Variants in PBK observed in about 807,000 individuals in gnomAD.
PBK encodes the protein PDZ binding kinase.
PBK carries 22 observed loss-of-function variants against 33.5 expected under a neutral mutation model. That is an observed-to-expected ratio of 0.66 (90% CI 0.47 to 0.94). The LOEUF (loss-of-function observed/expected upper bound fraction) is 0.94, where lower values mean the gene tolerates loss of function less well. Ranked by LOEUF, PBK falls within the 40% of genes least tolerant of loss-of-function variation. The probability of loss-of-function intolerance (pLI) is 0.00; values close to 1 mark genes in which losing one functional copy is unlikely to be tolerated. For synonymous variants in PBK, 129 were observed against 123.8 expected, an observed-to-expected ratio of 1.04 and a Z score of -0.28; for missense variants, 376 against 383.4, an observed-to-expected ratio of 0.98 and a Z score of 0.16.
chr8:27,810,915 G>C (rs770428850), intron 7 of PBK, 43 bp downstream of exon 7: 6 of 1,216,464 alleles, frequency 4.9e-6, no homozygotes, highest in Non-Finnish European at 6.1e-6. Context: ...TCTTTAGTGT[G>C]AAATGAAGAG....
At chr8:27,827,969 G>A (rs553017740) in intron 3 of PBK, 136 bp downstream of exon 3, 22 of 504,884 alleles carry the variant, frequency 4.4e-5, no homozygotes, top group South Asian at 2.0e-4. Flanking sequence ...TCTAGGGACC[G>A]GAATACAGCC....
chr8:27,830,187 A>C (rs1204306281), intron 2 of PBK, among the ~76,000 whole-genome samples: 4 of 139,670 alleles, frequency 2.9e-5, no homozygotes, highest in Non-Finnish European at 6.1e-5. Context: ...TGGGTGACAG[A>C]GCAAGATTCT....
chr8:27,829,892 C>G (rs1364333367), intron 2 of PBK, among the ~76,000 whole-genome samples: 1 of 149,940 alleles, frequency 6.7e-6, no homozygotes, highest in Non-Finnish European at 1.5e-5. Flanking sequence ...ATCAATCAAT[C>G]AATAGAAACA....
At chr8:27,833,020 A>G (rs1806157570) in intron 2 of PBK, 36 bp downstream of exon 2, 2 of 1,236,066 alleles carry the variant, frequency 1.6e-6, no homozygotes, top group African/African-American at 1.5e-5. Context: ...AGAAACAACA[A>G]TAGTAAAAAA....
At chr8:27,821,232 C>T (rs75942430) in intron 5 of PBK, among the ~76,000 whole-genome samples, 1 of 152,066 alleles carries the variant, frequency 6.6e-6, no homozygotes, top group Non-Finnish European at 1.5e-5. Context: ...CTTCTGCTAA[C>T]CTTTTATACT....
chr8:27,813,660 T>C lies in PBK; in HGVS notation c.596-2526A>G, dbSNP rs552419075. On this transcript the variant is annotated intron_variant, in intron 6 of 7. Transcript: ENST00000301905. ...GTGTGAGAATACTCAAGATCTACTC[T>C]CAGCAAATCTCAAGTGTACAGTATT... 1.3e-4 allele frequency among the ~76,000 whole-genome samples: 20 copies of C among 150,962 alleles called. No homozygotes were observed. The East Asian group carries it at 4.0e-3, about 30-fold the overall frequency.
At position 27,810,567 on chromosome 8, in the gene PBK, T is replaced by C; in HGVS notation, c.773-66A>G. On this transcript the variant is annotated intron_variant, in intron 7 of 7. Coordinates refer to ENST00000301905, the MANE Select transcript of PBK (RefSeq NM_018492.4). ...TTATGTCATGGAAAAGTTTAATAGC[T>C]CACCCTTCTCCTGAAACAAGAATTT... The C allele has an allele frequency of 3.4e-6, 3 of 879,472 alleles. No homozygotes were observed. The East Asian group carries it at 7.4e-5, about 22-fold the overall frequency. The allele number at this position is 879,472 out of a possible 1,614,324, so 54.5% of individuals were successfully genotyped here.
chr8:27,819,736 C>T (rs115391110), intron 6 of PBK, among the ~76,000 whole-genome samples: 2,923 of 152,164 alleles, frequency 0.019, 103 homozygotes, highest in African/African-American at 0.066. Context: ...GAGAAAAATA[C>T]TTTAAAAACC....
rs1346446313 is a variant in PBK at position 27,822,450 on chromosome 8, A to C, written c.334T>G (p.Cys112Gly). 6.2e-7 allele frequency: 1 copy of C among 1,611,272 alleles called. No homozygotes were observed. Among genetic ancestry groups the C allele is most frequent in the Admixed American group, 1.7e-5 (1 of 59,656 alleles). Residue 112 changes from cysteine to glycine, a missense_variant, in exon 5 of 8, where the codon TGT becomes GGT. Physicochemically the swap from Cys to Gly is radical, Grantham distance 159. Coordinates refer to ENST00000301905, the MANE Select transcript of PBK (RefSeq NM_018492.4). ...TCACCTCCATATTCCATAGCAAGAC[A>C]CAGACTGCCATCATTGGCTTCAGTA... ...AFTEANDGSL[C>G]LAMEYGGEKS...
At chr8:27,815,100 G>T (rs1178751805) in intron 6 of PBK, among the ~76,000 whole-genome samples, 1 of 152,108 alleles carries the variant, frequency 6.6e-6, no homozygotes, top group Non-Finnish European at 1.5e-5. Flanking sequence ...TTTACTGAAA[G>T]AAATTTCTCC....
Position 27,822,219 on chromosome 8 carries a change from A to G in PBK, c.465+100T>C. 4.6e-6 allele frequency: 4 copies of G among 870,414 alleles called. No individual in the cohort carries two copies. In the South Asian group the frequency reaches 6.6e-5, roughly 14 times the overall value. The allele number at this position is 870,414 out of a possible 1,614,324, so 53.9% of individuals were successfully genotyped here. A position where few individuals can be genotyped will look rare whatever the true frequency, so the allele number is the denominator to read the frequency against. On this transcript the variant is annotated intron_variant, in intron 5 of 7. Transcript: ENST00000301905. ...CCCCTTTTTGGAACTGACAAGTAAC[A>G]ATATCCATCCACATTCAAAGATGTC... is the stretch of plus-strand genomic sequence containing the variant.
rs1370069939 is a variant in PBK, at chr8:27,837,793, T to A, written c.-162A>T. On this transcript the variant is annotated 5_prime_UTR_variant, in exon 1 of 8. Coordinates refer to ENST00000301905, the MANE Select transcript of PBK (RefSeq NM_018492.4). ...AACACATACGCCCGGCAGCTGCCGT[T>A]GCAATTCGAACCCTCCTGGCTTTCA... is the stretch of plus-strand genomic sequence containing the variant. 1 of 152,162 alleles carries A rather than the reference T, an allele frequency of 6.6e-6. No homozygotes were observed. The highest frequency in any genetic ancestry group is 1.9e-4 in the East Asian group (1 of 5,180). The allele number at this position is 152,162 out of a possible 1,614,324, so 9.4% of individuals were successfully genotyped here. A position where few individuals can be genotyped will look rare whatever the true frequency, so the allele number is the denominator to read the frequency against.
At chr8:27,823,924 C>T (rs1256236274) in intron 3 of PBK, among the ~76,000 whole-genome samples, 1 of 151,972 alleles carries the variant, frequency 6.6e-6, no homozygotes, top group Non-Finnish European at 1.5e-5. Context: ...GTATATGCAG[C>T]ATAACAGCAC....
Position 27,822,304 on chromosome 8 carries a change from T to C in PBK, c.465+15A>G, listed in dbSNP as rs1365214090. 1 of 1,533,322 alleles carries C rather than the reference T, an allele frequency of 6.5e-7. No individual in the cohort carries two copies. Among genetic ancestry groups the C allele is most frequent in the East Asian group, 2.3e-5 (1 of 44,222 alleles). The allele number at this position is 1,533,322 out of a possible 1,614,324, so 95.0% of individuals were successfully genotyped here. On this transcript the variant is annotated intron_variant, in intron 5 of 7. Coordinates refer to ENST00000301905, the MANE Select transcript of PBK (RefSeq NM_018492.4). ...ACAAAAACAGAAGTCATTTAAAATA[T>C]AATGACATAGTTACCTTTAACCCTC...
At position 27,811,016 on chromosome 8, in the gene PBK, C is replaced by G. The variant is rs774498834; in HGVS notation, c.714G>C (p.Trp238Cys). The G allele has an allele frequency of 6.8e-6, 11 of 1,612,778 alleles. No individual in the cohort carries two copies. Among genetic ancestry groups the G allele is most frequent in the Middle Eastern group, 1.6e-4 (1 of 6,080 alleles). Residue 238 changes from tryptophan to cysteine, a missense_variant, in exon 7 of 8, where the codon TGG (tryptophan) becomes TGC (cysteine). By Grantham distance (215) the Trp-to-Cys change is radical. Transcript: ENST00000301905. ...GTGGAATCGATAAAGTCATCATTTC[C>G]CACAAAGTAAGGCCAAAGGCAAATA... ...ADIFAFGLTL[W>C]EMMTLSIPHI...
At position 27,819,732 on chromosome 8, in the gene PBK, A is replaced by G. The variant is rs6993036; in HGVS notation, c.595+833T>C. ...GTTTGCTCTATTAAGCATTGAGAAAAATACTTTAAAAACCCTCATTTTTAT... is the reference window on the plus strand; with the variant it reads ...GTTTGCTCTATTAAGCATTGAGAAAGATACTTTAAAAACCCTCATTTTTAT... On this transcript the variant is annotated intron_variant, in intron 6 of 7. Transcript: ENST00000301905. 9.2e-3 allele frequency among the ~76,000 whole-genome samples: 1,404 copies of G among 152,266 alleles called. 25 individuals carry two copies. Among genetic ancestry groups the G allele is most frequent in the African/African-American group, 0.032 (1,339 of 41,560 alleles).
intron 1 of PBK, among the ~76,000 whole-genome samples, chr8:27,837,089 G>C (rs80312996): frequency 0.019 from 2,925 of 152,286 alleles, 100 homozygotes; most frequent in African/African-American, 0.066. Flanking sequence ...TGAATATTTA[G>C]ATGAAGATAA....
At chr8:27,830,338 C>T (rs1806106115) in intron 2 of PBK, among the ~76,000 whole-genome samples, 1 of 150,240 alleles carries the variant, frequency 6.7e-6, no homozygotes, top group African/African-American at 2.5e-5. Context: ...AAAATAGAAG[C>T]TTAGGAATGA....
Position 27,810,993 on chromosome 8 carries a change from G to A in PBK, c.737C>T (p.Pro246Leu). ...TLWEMMTLSIPHINLSNDDDD... is the reference protein window; with the variant it reads ...TLWEMMTLSILHINLSNDDDD... ...ATCATCATTTGAAAGATTAATGTGT[G>A]GAATCGATAAAGTCATCATTTCCCA... Residue 246 changes from proline to leucine, a missense_variant, in exon 7 of 8, where the codon CCA becomes CTA. Physicochemically the swap from Pro to Leu is moderately conservative, Grantham distance 98. Transcript: ENST00000301905. The A allele has an allele frequency of 1.9e-6, 3 of 1,610,554 alleles. 1 individual carries two copies. Among genetic ancestry groups the A allele is most frequent in the South Asian group, 1.1e-5 (1 of 91,012 alleles).
Sources: allele counts gnomAD v4.1 joint callset (sites outside exome capture counted in the v4.1 genomes callset), GRCh38; gene constraint gnomAD v4.1.1; transcripts MANE v1.5; gene names NCBI Gene and HGNC (gene_info 2026-07-23, HGNC 2026-07-21).